SNRK: variants seen among roughly 807,000 people sequenced by gnomAD.
The protein encoded by SNRK is SNF-related serine/threonine-protein kinase.
SNRK carries 3 observed loss-of-function variants against 48.2 expected under a neutral mutation model. The observed-to-expected ratio is 0.06, with a 90% CI of 0.03 to 0.16. SNRK has a LOEUF of 0.16. SNRK is among the 10% of genes least tolerant of loss of function. The pLI is 1.00. For missense variants in SNRK, 627 were observed against 976.0 expected (o/e 0.64, Z 4.76); for synonymous variants, 376 against 366.1 (o/e 1.03, Z -0.31).
chr3:43,318,238 T>G (rs994500039), intron 3 of SNRK, among the ~76,000 whole-genome samples: 1 of 152,212 alleles, frequency 6.6e-6, no homozygotes, highest in Admixed American at 6.5e-5. Flanking sequence ...CCTTTGCTCC[T>G]GTGGTTTTCT....
At chr3:43,324,232 G>A (rs757503455) in intron 3 of SNRK, among the ~76,000 whole-genome samples, 8 of 152,160 alleles carry the variant, frequency 5.3e-5, no homozygotes, top group African/African-American at 9.7e-5. Context: ...GCGTTAGGCC[G>A]GGCGTGGTGG....
In SNRK at chr3:43,348,769, A is replaced by G. The variant is rs1242522422; in HGVS notation, c.*212A>G. ...TTCCCAGCCGAAAAGCCTATTATGTAATTTTTACATTCATAATTTTAATGT... is the reference window on the plus strand; with the variant it reads ...TTCCCAGCCGAAAAGCCTATTATGTGATTTTTACATTCATAATTTTAATGT... On this transcript the variant is annotated 3_prime_UTR_variant, in exon 7 of 7. Transcript: ENST00000296088. 4.7e-6 allele frequency: 2 copies of G among 426,518 alleles called. No individual in the cohort carries two copies. The highest frequency in any genetic ancestry group is 8.1e-6 in the Non-Finnish European group (2 of 248,284). The allele number at this position is 426,518 out of a possible 1,614,324, so 26.4% of individuals were successfully genotyped here.
chr3:43,327,313 A>G (rs2091103987), intron 3 of SNRK, among the ~76,000 whole-genome samples: 1 of 152,254 alleles, frequency 6.6e-6, no homozygotes, highest in South Asian at 2.1e-4. Flanking sequence ...TGCTATTCTA[A>G]GAAAGCATTG....
In SNRK at chr3:43,348,926, C is replaced by T. The variant is rs2091301363; in HGVS notation, c.*369C>T. The T allele has an allele frequency of 6.2e-6, 1 of 161,188 alleles. No individual in the cohort carries two copies. The highest frequency in any genetic ancestry group is 2.4e-5 in the African/African-American group (1 of 41,760). 10.0% of individuals were successfully genotyped at this position (161,188 alleles called of 1,614,324 possible). A position where few individuals can be genotyped will look rare whatever the true frequency, so the allele number is the denominator to read the frequency against. On this transcript the variant is annotated 3_prime_UTR_variant, in exon 7 of 7. Transcript: ENST00000296088. ...TTTGTGAAAAATCTGAATTCCTGTC[C>T]TGACCTTCTGTGATGTGGAAACCCT...
Position 43,347,248 on chromosome 3 carries a change from T to G in SNRK, c.1080-91T>G. ...CTGCTTTTTTCTTTAAGTCTGTAGA[T>G]TTTGTCCCAGTAAGTTCATTGTGAT... is the stretch of plus-strand genomic sequence containing the variant. On this transcript the variant is annotated intron_variant, in intron 6 of 6. Transcript: ENST00000296088. The surrounding 1 kb of genome is among the most constrained non-coding windows in gnomAD (Gnocchi z 5.4). The G allele has an allele frequency of 7.5e-7, 1 of 1,332,488 alleles. No homozygotes were observed. Among genetic ancestry groups the G allele is most frequent in the Non-Finnish European group, 1.0e-6 (1 of 994,146 alleles). The allele number at this position is 1,332,488 out of a possible 1,614,324, so 82.5% of individuals were successfully genotyped here.
At chr3:43,338,957 C>T (rs1438726956) in intron 4 of SNRK, among the ~76,000 whole-genome samples, 1 of 152,150 alleles carries the variant, frequency 6.6e-6, no homozygotes, top group Non-Finnish European at 1.5e-5. Context: ...CTGAAAATTT[C>T]AGTATCTGAA....
At chr3:43,291,737 A>G (rs893589446) in intron 1 of SNRK, among the ~76,000 whole-genome samples, 1 of 152,208 alleles carries the variant, frequency 6.6e-6, no homozygotes, top group African/African-American at 2.4e-5. Context: ...GCCACTCTGC[A>G]TATGTGCTTA....
chr3:43,292,780 A>T (rs78176992), intron 1 of SNRK, among the ~76,000 whole-genome samples: 1,527 of 152,288 alleles, frequency 0.01, 13 homozygotes, highest in Non-Finnish European at 0.016. Flanking sequence ...TGCCATCTAT[A>T]GTGTCCTCTA....
chr3:43,326,079 T>C (rs2091094743), intron 3 of SNRK, among the ~76,000 whole-genome samples: 1 of 152,158 alleles, frequency 6.6e-6, no homozygotes, highest in Admixed American at 6.5e-5. Context: ...TTTGGATTTG[T>C]GTGAATGTGT....
At chr3:43,335,238 A>G (rs1318685081) in intron 4 of SNRK, among the ~76,000 whole-genome samples, 2 of 152,164 alleles carry the variant, frequency 1.3e-5, no homozygotes, top group African/African-American at 4.8e-5. Context: ...GCCTACTGAT[A>G]CCATTTTAGC....
chr3:43,332,300 G>C lies in SNRK; in HGVS notation c.721G>C (p.Glu241Gln). ...KYTVPSHVSKECKDLITRMLQ... is the reference protein window; with the variant it reads ...KYTVPSHVSKQCKDLITRMLQ... The stretch of plus-strand genomic sequence containing the variant: ...TACAGTACCATCCCATGTGTCTAAA[G>C]AGTGTAAAGAGTAAGTAAAACAAAG... Residue 241 changes from glutamate (E) to glutamine (Q), a missense_variant, in exon 4 of 7, where the codon GAG becomes CAG. Coordinates refer to ENST00000296088, the MANE Select transcript of SNRK (RefSeq NM_017719.5). The C allele has an allele frequency of 6.8e-7, 1 of 1,465,056 alleles. No individual in the cohort carries two copies. Among genetic ancestry groups the C allele is most frequent in the Non-Finnish European group, 9.1e-7 (1 of 1,100,850 alleles). 90.8% of individuals were successfully genotyped at this position (1,465,056 alleles called of 1,614,324 possible). A position where few individuals can be genotyped will look rare whatever the true frequency, so the allele number is the denominator to read the frequency against.
At chr3:43,301,495 G>A (rs886167480) in intron 2 of SNRK, among the ~76,000 whole-genome samples, 1 of 152,106 alleles carries the variant, frequency 6.6e-6, no homozygotes, top group Non-Finnish European at 1.5e-5. Context: ...GCCAGGCACG[G>A]TGGCTCCAGC....
chr3:43,296,136 A>C (rs61619135), intron 1 of SNRK, among the ~76,000 whole-genome samples: 7 of 152,086 alleles, frequency 4.6e-5, no homozygotes, highest in Admixed American at 1.3e-4. Flanking sequence ...TGGAAGACTT[A>C]GTTTACTGTC....
chr3:43,315,453 C>T (rs995192023), intron 3 of SNRK, among the ~76,000 whole-genome samples: 1 of 152,124 alleles, frequency 6.6e-6, no homozygotes, highest in African/African-American at 2.4e-5. Flanking sequence ...TTTCAGAGGA[C>T]CTTCTCTTCC....
Position 43,303,305 on chromosome 3 carries a change from G to A in SNRK, c.102G>A (p.Arg34=). The change falls in exon 3 of 7, where the codon AGG becomes AGA. Residue 34 remains arginine (R), a synonymous_variant. Coordinates refer to ENST00000296088, the MANE Select transcript of SNRK (RefSeq NM_017719.5). The surrounding 1 kb of genome is among the most constrained non-coding windows in gnomAD (Gnocchi z 6.2). ...ATTTTGCCGTGGTTAAACTTGCCAGGCATGTCTTTACGGGTGAAAAGGTGG... is the reference window on the plus strand; with the variant it reads ...ATTTTGCCGTGGTTAAACTTGCCAGACATGTCTTTACGGGTGAAAAGGTGG... ...RGHFAVVKLA[R]HVFTGEKVAV... is the part of the protein sequence containing the mutation. The A allele has an allele frequency of 6.2e-7, 1 of 1,614,146 alleles. No homozygotes were observed. Among genetic ancestry groups the A allele is most frequent in the Non-Finnish European group, 8.5e-7 (1 of 1,180,026 alleles).
intron 1 of SNRK, among the ~76,000 whole-genome samples, chr3:43,288,331 TTC>T (rs1361630674): frequency 1.4e-4 from 21 of 152,218 alleles, no homozygotes; most frequent in Admixed American, 4.6e-4. Context: ...GAGTATTTTT[TTC>T]TGTTTTACTG....
At chr3:43,324,139 T>A (rs182745807) in intron 3 of SNRK, among the ~76,000 whole-genome samples, 7 of 152,338 alleles carry the variant, frequency 4.6e-5, no homozygotes, top group Admixed American at 3.9e-4. Context: ...CTTTATAATT[T>A]TACCTAATAG....
At chr3:43,295,856 A>G (rs1361810028) in intron 1 of SNRK, among the ~76,000 whole-genome samples, 1 of 152,148 alleles carries the variant, frequency 6.6e-6, no homozygotes, top group African/African-American at 2.4e-5. Context: ...CTCCTGCCTC[A>G]GCCTTCCGAG....
In SNRK at chr3:43,351,020, T is replaced by C. The variant is rs927137322; in HGVS notation, c.*2463T>C. ...GTTAAGAGGGTACAGAATTATCAAC[T>C]GATTTGGTCAGTTGCTTCCAATGCT... On this transcript the variant is annotated 3_prime_UTR_variant, in exon 7 of 7. Transcript: ENST00000296088. 3 of 152,636 alleles carry C rather than the reference T, an allele frequency of 2.0e-5. No homozygotes were observed. Among genetic ancestry groups the C allele is most frequent in the Non-Finnish European group, 4.4e-5 (3 of 68,038 alleles). The allele number at this position is 152,636 out of a possible 1,614,324, so 9.5% of individuals were successfully genotyped here. A position where few individuals can be genotyped will look rare whatever the true frequency, so the allele number is the denominator to read the frequency against.
Sources: gnomAD v4.1 joint callset for allele counts (sites outside exome capture counted in the v4.1 genomes callset) on GRCh38, gnomAD v4.1.1 for gene constraint, Gnocchi (gnomAD v3.1) non-coding constraint, MANE v1.5 for transcripts, NCBI Gene and HGNC (gene_info 2026-07-23, HGNC 2026-07-21) for gene names.